Variants in LMTK2 observed in about 807,000 individuals in gnomAD.
LMTK2 encodes the protein lemur tail kinase 2.
Under a neutral mutation model 127.5 loss-of-function variants are expected in LMTK2, and 37 were observed. That is an observed-to-expected ratio of 0.29 (90% CI 0.22 to 0.38). LMTK2 has a LOEUF of 0.38. LMTK2 is among the 10% of genes least tolerant of loss of function. The pLI is 1.00. For missense variants in LMTK2, 1,694 were observed against 1,920.3 expected (o/e 0.88, Z 2.20); for synonymous variants, 819 against 810.1 (o/e 1.01, Z -0.19).
In LMTK2 at chr7:98,141,550, A is replaced by G. The variant is rs761647021; in HGVS notation, c.376+9A>G. The G allele has an allele frequency of 6.2e-6, 10 of 1,611,784 alleles. No individual in the cohort carries two copies. Among genetic ancestry groups the G allele is most frequent in the East Asian group, 2.2e-5 (1 of 44,876 alleles). ...ATTCCAGCCTTCTGTAGGTAAGACC[A>G]TACAGCCTAATGCCACGTTTTCATG... On this transcript the variant is annotated intron_variant, in intron 3 of 13. Transcript: ENST00000297293.
chr7:98,208,921 T>G lies in LMTK2; in HGVS notation c.*3429T>G, dbSNP rs1186337471. On this transcript the variant is annotated 3_prime_UTR_variant, in exon 14 of 14. Coordinates refer to ENST00000297293, the MANE Select transcript of LMTK2 (RefSeq NM_014916.4). ...CTTTCCAAACCCCTCCTTTTATTCC[T>G]GTTTCCCGAAATAAGGTATTTGTAG... 1 of 152,276 alleles carries G rather than the reference T, an allele frequency of 6.6e-6. No individual in the cohort carries two copies. Among genetic ancestry groups the G allele is most frequent in the Non-Finnish European group, 1.5e-5 (1 of 68,044 alleles). The allele number at this position is 152,276 out of a possible 1,614,324, so 9.4% of individuals were successfully genotyped here.
Position 98,204,064 on chromosome 7 carries a change from C to T in LMTK2, c.4361C>T (p.Pro1454Leu), listed in dbSNP as rs771835704. The change falls in exon 13 of 14, where the codon CCG (proline) becomes CTG (leucine). Residue 1454 changes from proline (P) to leucine (L), a missense_variant. This residue lies in a region of LMTK2 where 554 missense variants were observed against 567.7 expected (regional missense o/e 0.98). Transcript: ENST00000297293. ...QTSKYFSPPP[P>L]ARSTEQSWPH... The stretch of plus-strand genomic sequence containing the variant: ...TCCAAGTACTTTTCTCCGCCGCCAC[C>T]GGCCCGGAGCACGGAGCAGAGCTGG... 89 of 1,613,886 alleles carry T rather than the reference C, an allele frequency of 5.5e-5. No homozygotes were observed. The highest frequency in any genetic ancestry group is 7.2e-5 in the Non-Finnish European group (85 of 1,180,054).
At chr7:98,146,770 A>T (rs1270652232) in intron 3 of LMTK2, among the ~76,000 whole-genome samples, 1 of 152,212 alleles carries the variant, frequency 6.6e-6, no homozygotes, top group Non-Finnish European at 1.5e-5. Flanking sequence ...AGGAAATAAA[A>T]AGAGGCGTTA....
At chr7:98,159,472 T>C (rs367709069) in intron 6 of LMTK2, 47 bp downstream of exon 6, 23 of 1,309,484 alleles carry the variant, frequency 1.8e-5, no homozygotes, top group Non-Finnish European at 2.4e-5. Context: ...AGAGGTTGTA[T>C]TCAAGTGTTT....
intron 1 of LMTK2, among the ~76,000 whole-genome samples, chr7:98,129,355 A>AGTTTTGTTTTGTTTT (rs10611952): frequency 1.7e-3 from 248 of 148,932 alleles, no homozygotes; most frequent in Middle Eastern, 3.4e-3. Flanking sequence ...AAGTTTATTC[A>AGTTTTGTTTTGTTTT]GTTTTGTTTT....
intron 1 of LMTK2, among the ~76,000 whole-genome samples, chr7:98,120,729 C>T (rs1231621958): frequency 6.6e-6 from 1 of 152,140 alleles, no homozygotes; most frequent in Non-Finnish European, 1.5e-5. Flanking sequence ...GCGGTTGCTT[C>T]CCCGGATCCA....
At chr7:98,117,287 G>C (rs1397031271) in intron 1 of LMTK2, among the ~76,000 whole-genome samples, 1 of 151,918 alleles carries the variant, frequency 6.6e-6, no homozygotes, top group Non-Finnish European at 1.5e-5. Context: ...GACAGGTCTT[G>C]CTCTGTAGTC....
chr7:98,184,930 A>T, intron 7 of LMTK2, 121 bp from the exon 8 acceptor site: 1 of 653,338 alleles, frequency 1.5e-6, no homozygotes, highest in Non-Finnish European at 2.8e-6. Context: ...GTTAATTCTT[A>T]AGCAGAGAGC....
intron 3 of LMTK2, among the ~76,000 whole-genome samples, chr7:98,143,927 G>A (rs1011753151): frequency 1.4e-4 from 21 of 152,232 alleles, no homozygotes; most frequent in Admixed American, 1.4e-3. Flanking sequence ...TCAATACAGT[G>A]GCGATTTATG....
rs1156337163 is a variant in LMTK2, at chr7:98,109,743, C to CAAA, written c.103+2481_103+2483dup. On this transcript the variant is annotated intron_variant, in intron 1 of 13. Coordinates refer to ENST00000297293, the MANE Select transcript of LMTK2 (RefSeq NM_014916.4). ...TGGGCAACAGAGTGAGACTCCGTCTCAAAAAAAAAAAAAAAAAAAAGAAAG... is the reference window on the plus strand; with the variant it reads ...TGGGCAACAGAGTGAGACTCCGTCTCAAAAAAAAAAAAAAAAAAAAAAAGAAAG... Among the ~76,000 whole-genome samples, 31 of 53,256 alleles carry CAAA rather than the reference C, an allele frequency of 5.8e-4. 1 individual carries two copies. Among genetic ancestry groups the CAAA allele is most frequent in the Admixed American group, 2.9e-3 (16 of 5,508 alleles). The allele number at this position is 53,256 out of a possible 152,430, so 34.9% of individuals were successfully genotyped here.
chr7:98,118,524 CT>C (rs1041677410), intron 1 of LMTK2, among the ~76,000 whole-genome samples: 4 of 151,382 alleles, frequency 2.6e-5, no homozygotes, highest in African/African-American at 4.9e-5. Context: ...CTTTGCTTTG[CT>C]TTTTTTTTCT....
At chr7:98,197,797 G>A (rs1158601824) in intron 11 of LMTK2, among the ~76,000 whole-genome samples, 2 of 152,200 alleles carry the variant, frequency 1.3e-5, no homozygotes, top group Non-Finnish European at 2.9e-5. Context: ...AGCTATGATT[G>A]TGTCACTGCA....
chr7:98,180,984 G>A (rs1201523206), intron 7 of LMTK2, among the ~76,000 whole-genome samples: 4 of 152,232 alleles, frequency 2.6e-5, no homozygotes, highest in East Asian at 3.9e-4. Context: ...GAGGATTCAG[G>A]GAATAGGAGC....
intron 7 of LMTK2, among the ~76,000 whole-genome samples, chr7:98,174,397 G>A (rs1797245167): frequency 1.3e-5 from 2 of 152,178 alleles, no homozygotes; most frequent in Admixed American, 1.3e-4. Flanking sequence ...TTAACCTGGA[G>A]TCTGAGGAGC....
chr7:98,131,587 G>T lies in LMTK2; in HGVS notation c.104-5728G>T, dbSNP rs550023574. 3.3e-5 allele frequency among the ~76,000 whole-genome samples: 5 copies of T among 152,082 alleles called. No homozygotes were observed. The South Asian group carries it at 1.0e-3, about 32-fold the overall frequency. ...TTTTGGGCAGTACTGTTGCATAGGT[G>T]GTGATGTGTTTTTCTGTCAGGAGAT... On this transcript the variant is annotated intron_variant, in intron 1 of 13. Coordinates refer to ENST00000297293, the MANE Select transcript of LMTK2 (RefSeq NM_014916.4).
intron 3 of LMTK2, among the ~76,000 whole-genome samples, chr7:98,143,872 CAG>C (rs1364929453): frequency 6.6e-6 from 1 of 152,110 alleles, no homozygotes; most frequent in Non-Finnish European, 1.5e-5. Context: ...AAGATGGAAA[CAG>C]ATTAAATGTC....
At chr7:98,151,117 T>A (rs1056610627) in intron 3 of LMTK2, among the ~76,000 whole-genome samples, 2 of 152,196 alleles carry the variant, frequency 1.3e-5, no homozygotes, top group African/African-American at 4.8e-5. Flanking sequence ...GCCATTGGCC[T>A]GGTGATTGGT....
intron 7 of LMTK2, among the ~76,000 whole-genome samples, chr7:98,181,768 C>T (rs767607833): frequency 3.3e-5 from 5 of 152,120 alleles, no homozygotes; most frequent in Non-Finnish European, 7.4e-5. Flanking sequence ...AAGCGATTCT[C>T]CTGCCTCAGC....
intron 7 of LMTK2, among the ~76,000 whole-genome samples, chr7:98,182,442 C>G (rs749296435): frequency 2.6e-5 from 4 of 152,078 alleles, no homozygotes; most frequent in Non-Finnish European, 5.9e-5. Context: ...ATTTCCTTCT[C>G]CAAAGGAAAT....
Sources: allele counts gnomAD v4.1 joint callset (sites outside exome capture counted in the v4.1 genomes callset), GRCh38; gene constraint gnomAD v4.1.1; regional missense constraint gnomAD v4.1.1; transcripts MANE v1.5; gene names NCBI Gene and HGNC (gene_info 2026-07-23, HGNC 2026-07-21).